Variants in SRGAP2B observed in about 807,000 individuals in gnomAD.
SRGAP2B encodes the protein SLIT-ROBO Rho GTPase activating protein 2B.
SRGAP2B carries 9 observed loss-of-function variants against 22.2 expected under a neutral mutation model. The observed-to-expected ratio is 0.41, with a 90% CI of 0.24 to 0.71. The LOEUF (loss-of-function observed/expected upper bound fraction) is 0.71, where lower values mean the gene tolerates loss of function less well. SRGAP2B is among the 30% of genes least tolerant of loss of function. SRGAP2B has a pLI of 0.35. For synonymous variants in SRGAP2B, 36 were observed against 87.4 expected (o/e 0.41, Z 3.28); for missense variants, 114 against 235.8 (o/e 0.48, Z 3.38).
rs868984090 is a variant in SRGAP2B at position 144,965,204 on chromosome 1, C to T, written c.261-9603G>A. On this transcript the variant is annotated intron_variant, in intron 3 of 9. Transcript: ENST00000612199. ...GAACAGCTCCGGTCTACAGCTCCAG[C>T]GTGAGCGACACAGAAGACGGGTGAT... 8.2e-6 allele frequency: 8 copies of T among 977,150 alleles called. 1 individual carries two copies. Among genetic ancestry groups the T allele is most frequent in the African/African-American group, 6.8e-5 (4 of 59,018 alleles). 60.5% of individuals were successfully genotyped at this position (977,150 alleles called of 1,614,324 possible). A position where few individuals can be genotyped will look rare whatever the true frequency, so the allele number is the denominator to read the frequency against.
chr1:144,921,294 A>C (rs1379889757), intron 4 of SRGAP2B, among the ~76,000 whole-genome samples: 3 of 148,620 alleles, frequency 2.0e-5, no homozygotes, highest in East Asian at 3.9e-4. Context: ...AAAAAAAAAA[A>C]AAATCTGATT....
rs587757987 is a variant in SRGAP2B, at chr1:144,975,346, T to A, written c.260+19662A>T. Among the ~76,000 whole-genome samples, 3 of 149,168 alleles carry A rather than the reference T, an allele frequency of 2.0e-5. No individual in the cohort carries two copies. The East Asian group carries it at 5.8e-4, about 29-fold the overall frequency. On this transcript the variant is annotated intron_variant, in intron 3 of 9. Transcript: ENST00000612199. The stretch of plus-strand genomic sequence containing the variant: ...TGGTTTGTTCCCTCCAAAACTCATG[T>A]TGAAATTTGATTGCAATTGCAAGTG...
intron 5 of SRGAP2B, among the ~76,000 whole-genome samples, chr1:144,911,743 G>C (rs1330855435): frequency 2.3e-4 from 31 of 133,934 alleles, no homozygotes; most frequent in South Asian, 1.5e-3. Flanking sequence ...TCAGCCTCCT[G>C]AGTAGCTGGG....
rs4844759 is a variant in SRGAP2B at position 144,992,285 on chromosome 1, G to A, written c.260+2723C>T. Among the ~76,000 whole-genome samples, 9 of 150,880 alleles carry A rather than the reference G, an allele frequency of 6.0e-5. 1 individual carries two copies. The highest frequency in any genetic ancestry group is 1.0e-4 in the Non-Finnish European group (7 of 67,970). On this transcript the variant is annotated intron_variant, in intron 3 of 9. Transcript: ENST00000612199. Reference sequence around the variant, plus strand: ...TGTAACACTCACCGCGAGGGTCCGCGGCCTCATTCTTGAAGTCAGTGAGAC... The same window carrying A: ...TGTAACACTCACCGCGAGGGTCCGCAGCCTCATTCTTGAAGTCAGTGAGAC...
At chr1:144,984,367 A>ACAACAACAAC (rs1173413858) in intron 3 of SRGAP2B, among the ~76,000 whole-genome samples, 1 of 141,052 alleles carries the variant, frequency 7.1e-6, no homozygotes, top group East Asian at 2.0e-4. Flanking sequence ...AACAACAACA[A>ACAACAACAAC]AAAAAAAAAA....
chr1:145,064,400 T>A (rs1651270071), intron 2 of SRGAP2B, among the ~76,000 whole-genome samples: 1 of 148,604 alleles, frequency 6.7e-6, no homozygotes, highest in African/African-American at 2.6e-5. Context: ...AAAGTAAAGA[T>A]GGAGGCCAGG....
chr1:145,022,646 T>C (rs1364951746), intron 2 of SRGAP2B, among the ~76,000 whole-genome samples: 1 of 150,474 alleles, frequency 6.6e-6, no homozygotes, highest in Admixed American at 6.6e-5. Flanking sequence ...AGTTTCTGAA[T>C]GGCTAATGTG....
chr1:144,904,684 G>C (rs1305011201), intron 7 of SRGAP2B, among the ~76,000 whole-genome samples: 1 of 51,120 alleles, frequency 2.0e-5, no homozygotes, highest in Non-Finnish European at 2.9e-5. Flanking sequence ...GGGGGACAAA[G>C]CAAGACTCTA....
intron 4 of SRGAP2B, among the ~76,000 whole-genome samples, chr1:144,953,891 T>C (rs1313270389): frequency 6.7e-6 from 1 of 149,618 alleles, no homozygotes; most frequent in East Asian, 1.9e-4. Flanking sequence ...GTCAAGCCCT[T>C]TCCTTCTTGA....
chr1:145,021,792 C>A (rs1672819938), intron 2 of SRGAP2B, among the ~76,000 whole-genome samples: 1 of 135,028 alleles, frequency 7.4e-6, no homozygotes, highest in Non-Finnish European at 1.6e-5. Context: ...CCAGCCTGGG[C>A]AACAGGAGCA....
chr1:145,068,933 GTGTGTGTGTGTGTGTA>G (rs1166165655), intron 2 of SRGAP2B, among the ~76,000 whole-genome samples: 9 of 147,886 alleles, frequency 6.1e-5, no homozygotes, highest in Admixed American at 1.4e-4. Flanking sequence ...GTGTGTGTGT[GTGTGTGTGTGTGTGTA>G]TGTGTATATA....
chr1:145,012,387 A>C (rs1672119974), intron 2 of SRGAP2B, among the ~76,000 whole-genome samples: 1 of 150,078 alleles, frequency 6.7e-6, no homozygotes, highest in African/African-American at 2.5e-5. Flanking sequence ...ATTTTTTATA[A>C]CGAGTATTTA....
chr1:144,927,039 T>A (rs1194284792), intron 4 of SRGAP2B, among the ~76,000 whole-genome samples: 1 of 151,396 alleles, frequency 6.6e-6, no homozygotes, highest in African/African-American at 2.5e-5. Context: ...AAGCTCTGCC[T>A]CCCGGCTTCA....
At chr1:144,999,139 C>T (rs1348936559) in intron 2 of SRGAP2B, among the ~76,000 whole-genome samples, 13 of 150,972 alleles carry the variant, frequency 8.6e-5, no homozygotes, top group Non-Finnish European at 1.8e-4. Flanking sequence ...CCATGCTTCA[C>T]GATACCAACT....
chr1:145,003,876 T>G (rs1553620555), intron 2 of SRGAP2B, among the ~76,000 whole-genome samples: 2 of 151,328 alleles, frequency 1.3e-5, no homozygotes, highest in African/African-American at 2.4e-5. Flanking sequence ...AGCCCATGAC[T>G]CTATAGTATG....
chr1:145,015,203 C>T (rs1164418488), intron 2 of SRGAP2B, among the ~76,000 whole-genome samples: 3 of 86,810 alleles, frequency 3.5e-5, no homozygotes, highest in Admixed American at 2.6e-4. Flanking sequence ...CTCAGCCTCC[C>T]GAGTAGCTGG....
chr1:144,934,737 G>A (rs1351193389), intron 4 of SRGAP2B, among the ~76,000 whole-genome samples: 12 of 150,930 alleles, frequency 8.0e-5, no homozygotes, highest in South Asian at 2.1e-4. Flanking sequence ...GGTAAAATCC[G>A]CTAGTAGAAT....
chr1:145,069,835 C>A (rs587593666), intron 2 of SRGAP2B, among the ~76,000 whole-genome samples: 1 of 147,132 alleles, frequency 6.8e-6, no homozygotes, highest in Admixed American at 6.8e-5. Flanking sequence ...GAGGACAGGA[C>A]GAAACTTGAG....
In SRGAP2B at chr1:144,984,365, CAAA is replaced by C. The variant is rs57268593; in HGVS notation, c.260+10640_260+10642del. On this transcript the variant is annotated intron_variant, in intron 3 of 9. Transcript: ENST00000612199. ...ACAACAACAACAACAACAACAACAA[CAAA>C]AAAAAAAAAACAAAAAAGCCCCTCT... is the stretch of plus-strand genomic sequence containing the variant. Among the ~76,000 whole-genome samples the C allele has an allele frequency of 7.9e-4, 100 of 126,430 alleles. 1 individual carries two copies. Among genetic ancestry groups the C allele is most frequent in the Admixed American group, 2.0e-3 (25 of 12,466 alleles). The allele number at this position is 126,430 out of a possible 152,430, so 82.9% of individuals were successfully genotyped here. A position where few individuals can be genotyped will look rare whatever the true frequency, so the allele number is the denominator to read the frequency against.
Sources: gnomAD v4.1 joint callset for allele counts (sites outside exome capture counted in the v4.1 genomes callset) on GRCh38, gnomAD v4.1.1 for gene constraint, MANE v1.5 for transcripts, NCBI Gene and HGNC (gene_info 2026-07-23, HGNC 2026-07-21) for gene names.